SGCZ: variants seen among roughly 807,000 people sequenced by gnomAD.
The protein encoded by SGCZ is zeta-sarcoglycan.
SGCZ carries 40 observed loss-of-function variants against 41.3 expected under a neutral mutation model. The ratio of observed to expected loss-of-function variants is 0.97; its 90% confidence interval spans 0.75 to 1.26. The LOEUF (loss-of-function observed/expected upper bound fraction) is 1.26, where lower values mean the gene tolerates loss of function less well. Among genes scored for constraint, SGCZ ranks in the 50% most tolerant of loss-of-function variants. The pLI is 0.00. For synonymous variants in SGCZ, 206 were observed against 137.5 expected (o/e 1.50, Z -3.49); for missense variants, 552 against 369.8 (o/e 1.49, Z -4.04).
intron 4 of SGCZ, among the ~76,000 whole-genome samples, chr8:14,188,215 A>T (rs1445208800): frequency 6.6e-6 from 1 of 152,252 alleles, no homozygotes; most frequent in South Asian, 2.1e-4. Flanking sequence ...AAGCAAGTAC[A>T]TTCTGAAAGT....
At chr8:14,551,597 T>TA (rs1563405023) in intron 2 of SGCZ, among the ~76,000 whole-genome samples, 4 of 36,482 alleles carry the variant, frequency 1.1e-4, no homozygotes, top group Admixed American at 5.0e-4. Context: ...ATAATATATA[T>TA]TATATATATT....
chr8:14,586,625 CAA>C (rs746488601), intron 1 of SGCZ, among the ~76,000 whole-genome samples: 7 of 151,974 alleles, frequency 4.6e-5, no homozygotes, highest in Non-Finnish European at 1.0e-4. Context: ...CAAAGTGATG[CAA>C]AGTTAGGCAA....
At chr8:14,784,913 A>AAAAAATATATATATAT (rs1408574493) in intron 1 of SGCZ, among the ~76,000 whole-genome samples, 8 of 88,020 alleles carry the variant, frequency 9.1e-5, no homozygotes, top group African/African-American at 3.7e-4. Context: ...AAAAAAAAAA[A>AAAAAATATATATATAT]ATATATATAT....
chr8:14,212,960 G>A (rs1052914908), intron 4 of SGCZ, among the ~76,000 whole-genome samples: 1 of 151,906 alleles, frequency 6.6e-6, no homozygotes, highest in African/African-American at 2.4e-5. Context: ...ATAGTAGAAT[G>A]GAAATAACAG....
intron 1 of SGCZ, among the ~76,000 whole-genome samples, chr8:15,001,109 A>T (rs910249500): frequency 3.9e-5 from 6 of 152,224 alleles, no homozygotes; most frequent in African/African-American, 9.6e-5. Context: ...GCCTCTTGGA[A>T]TTCAATGCCA....
chr8:15,045,238 CATG>C (rs1378243644), intron 1 of SGCZ, among the ~76,000 whole-genome samples: 4 of 151,956 alleles, frequency 2.6e-5, no homozygotes, highest in Non-Finnish European at 5.9e-5. Context: ...AAACAAGAGA[CATG>C]ATAAAATTCA....
intron 2 of SGCZ, among the ~76,000 whole-genome samples, chr8:14,413,753 C>T (rs542820516): frequency 1.3e-5 from 2 of 152,032 alleles, no homozygotes; most frequent in South Asian, 2.1e-4. Flanking sequence ...ATCTGTCATC[C>T]TATAAAAACA....
intron 1 of SGCZ, among the ~76,000 whole-genome samples, chr8:15,173,151 GACTT>G (rs1319070370): frequency 6.6e-6 from 1 of 152,152 alleles, no homozygotes; most frequent in African/African-American, 2.4e-5. Context: ...CTGTAAGCCT[GACTT>G]ACTATTTGTG....
chr8:14,345,289 G>T (rs1802856680), intron 2 of SGCZ, among the ~76,000 whole-genome samples: 1 of 152,100 alleles, frequency 6.6e-6, no homozygotes, highest in Non-Finnish European at 1.5e-5. Context: ...GAACTGCTAA[G>T]AATGTGAAAC....
intron 1 of SGCZ, among the ~76,000 whole-genome samples, chr8:14,648,859 G>C (rs1807308215): frequency 6.6e-6 from 1 of 152,106 alleles, no homozygotes; most frequent in Admixed American, 6.6e-5. Flanking sequence ...TCAGGGTCAA[G>C]TTTGGTGTTT....
At chr8:14,357,157 A>G (rs1312439505) in intron 2 of SGCZ, among the ~76,000 whole-genome samples, 1 of 152,180 alleles carries the variant, frequency 6.6e-6, no homozygotes. Context: ...TATTTTTCAA[A>G]AGAATTAAAA....
chr8:14,175,463 G>A (rs1804515021), intron 4 of SGCZ, among the ~76,000 whole-genome samples: 1 of 151,928 alleles, frequency 6.6e-6, no homozygotes, highest in Non-Finnish European at 1.5e-5. Context: ...CATAAGTAAT[G>A]GAATATAAAT....
At chr8:14,917,016 A>C (rs1013746443) in intron 1 of SGCZ, among the ~76,000 whole-genome samples, 2 of 152,130 alleles carry the variant, frequency 1.3e-5, no homozygotes, top group African/African-American at 4.8e-5. Flanking sequence ...ATAATTTTGG[A>C]AATAGAAACA....
chr8:14,724,874 T>C lies in SGCZ; in HGVS notation c.40-169948A>G, dbSNP rs140560450. 7.2e-3 allele frequency among the ~76,000 whole-genome samples: 1,093 copies of C among 152,304 alleles called. 10 individuals are homozygous for C. Among genetic ancestry groups the C allele is most frequent in the Middle Eastern group, 0.031 (9 of 292 alleles). On this transcript the variant is annotated intron_variant, in intron 1 of 7. Coordinates refer to ENST00000382080, the MANE Select transcript of SGCZ (RefSeq NM_139167.4). Reference sequence around the variant, plus strand: ...CATTTCAGTTTCACTCTTCTATTTATGTTGAAGCATGCAATAAATTATTGT... The same window carrying C: ...CATTTCAGTTTCACTCTTCTATTTACGTTGAAGCATGCAATAAATTATTGT...
chr8:15,154,893 G>C (rs547027454), intron 1 of SGCZ, among the ~76,000 whole-genome samples: 43 of 152,316 alleles, frequency 2.8e-4, no homozygotes, highest in African/African-American at 9.4e-4. Context: ...GGAGGAATAA[G>C]CTCTAGTGTT....
intron 1 of SGCZ, among the ~76,000 whole-genome samples, chr8:14,596,629 G>C (rs531980984): frequency 3.3e-5 from 5 of 152,040 alleles, no homozygotes; most frequent in African/African-American, 7.2e-5. Flanking sequence ...TGAATGATTA[G>C]TTTAGAATAT....
rs1021021104 is a variant in SGCZ at position 14,356,549 on chromosome 8, T to C, written c.235-32345A>G. On this transcript the variant is annotated intron_variant, in intron 2 of 7. Transcript: ENST00000382080. ...AGAACTTGTTTAACAAAATGTGTGATATAAAAAGTGTAGATGCTCCTGATG... is the reference window on the plus strand; with the variant it reads ...AGAACTTGTTTAACAAAATGTGTGACATAAAAAGTGTAGATGCTCCTGATG... 2.6e-5 allele frequency among the ~76,000 whole-genome samples: 4 copies of C among 152,126 alleles called. No individual in the cohort carries two copies. In the East Asian group the frequency reaches 7.7e-4, roughly 29 times the overall value.
intron 1 of SGCZ, among the ~76,000 whole-genome samples, chr8:14,568,690 G>A (rs867849274): frequency 1.3e-5 from 2 of 152,100 alleles, no homozygotes; most frequent in Non-Finnish European, 2.9e-5. Flanking sequence ...CTTCCTGTCA[G>A]GCATTTTCCT....
At chr8:14,478,731 C>G (rs1364870341) in intron 2 of SGCZ, among the ~76,000 whole-genome samples, 1 of 152,068 alleles carries the variant, frequency 6.6e-6, no homozygotes, top group East Asian at 1.9e-4. Context: ...TATATTTCCC[C>G]CAAAAAATTA....
Sources: allele counts gnomAD v4.1 joint callset (sites outside exome capture counted in the v4.1 genomes callset), GRCh38; gene constraint gnomAD v4.1.1; transcripts MANE v1.5; gene names NCBI Gene and HGNC (gene_info 2026-07-23, HGNC 2026-07-21).